Variants in NOS1AP observed in about 807,000 individuals in gnomAD.
The protein encoded by NOS1AP is nitric oxide synthase 1 adaptor protein, also known as carboxyl-terminal PDZ ligand of neuronal nitric oxide synthase protein.
NOS1AP carries 21 observed loss-of-function variants against 56.2 expected under a neutral mutation model. The observed-to-expected ratio is 0.37, with a 90% CI of 0.26 to 0.54. The LOEUF (loss-of-function observed/expected upper bound fraction) is 0.54. Among genes scored for constraint, NOS1AP ranks in the 20% least tolerant of loss-of-function variants. The pLI is 0.84. For missense variants in NOS1AP, 522 were observed against 657.8 expected, an observed-to-expected ratio of 0.79 and a Z score of 2.26; for synonymous variants, 270 against 274.6, an observed-to-expected ratio of 0.98 and a Z score of 0.17.
At chr1:162,239,451 G>A (rs1653412812) in intron 2 of NOS1AP, among the ~76,000 whole-genome samples, 1 of 152,172 alleles carries the variant, frequency 6.6e-6, no homozygotes, top group Non-Finnish European at 1.5e-5. Context: ...ACTGCCCTTT[G>A]GTGCCTGTCA....
intron 1 of NOS1AP, 43 bp downstream of exon 1, chr1:162,070,325 G>C (rs375339763): frequency 4.5e-6 from 7 of 1,539,832 alleles, no homozygotes; most frequent in Non-Finnish European, 6.3e-6. Flanking sequence ...GTGGCGGTTG[G>C]GGGGGCATGT....
rs369081213 is a variant in NOS1AP at position 162,154,407 on chromosome 1, C to T, written c.108C>T (p.Tyr36=). The T allele has an allele frequency of 1.2e-5, 19 of 1,613,906 alleles. No homozygotes were observed. Among genetic ancestry groups the T allele is most frequent in the Admixed American group, 1.7e-5 (1 of 59,998 alleles). Residue 36 remains tyrosine, a splice_region_variant and synonymous_variant, in exon 2 of 10, where the codon TAC becomes TAT. Coordinates refer to ENST00000361897, the MANE Select transcript of NOS1AP (RefSeq NM_014697.3). Reference sequence around the variant, plus strand: ...GAGTGTTTGCTTCTCCCCCACAGTACGTAGGAAGCCTGGACGTGCCAAGGC... The same window carrying T: ...GAGTGTTTGCTTCTCCCCCACAGTATGTAGGAAGCCTGGACGTGCCAAGGC... The part of the protein sequence containing the change: ...FQHGICFEAK[Y]VGSLDVPRPN...
At chr1:162,274,816 A>C (rs1654687847) in intron 2 of NOS1AP, among the ~76,000 whole-genome samples, 1 of 152,106 alleles carries the variant, frequency 6.6e-6, no homozygotes, top group Middle Eastern at 3.4e-3. Context: ...AACTACCAAA[A>C]CTTGTTGGTT....
At chr1:162,213,482 T>G (rs1370883553) in intron 2 of NOS1AP, among the ~76,000 whole-genome samples, 1 of 152,240 alleles carries the variant, frequency 6.6e-6, no homozygotes, top group East Asian at 1.9e-4. Context: ...ACCTTTCACC[T>G]TCACCTGAGC....
At chr1:162,332,691 C>G (rs1444410260) in intron 4 of NOS1AP, among the ~76,000 whole-genome samples, 1 of 152,152 alleles carries the variant, frequency 6.6e-6, no homozygotes, top group African/African-American at 2.4e-5. Flanking sequence ...GTTTGTTGCT[C>G]TGATAAGGAT....
At chr1:162,192,311 A>G (rs1277060751) in intron 2 of NOS1AP, among the ~76,000 whole-genome samples, 1 of 152,178 alleles carries the variant, frequency 6.6e-6, no homozygotes, top group Admixed American at 6.5e-5. Flanking sequence ...CTCTAGTGTG[A>G]AAGTTGCTAC....
rs185744420 is a variant in NOS1AP, at chr1:162,305,194, A to C, written c.344+4488A>C. ...TTTTTTAAGCATACAAATCAGTGGC[A>C]TTAATTACATTGGTAGTCCTGTGCA... On this transcript the variant is annotated intron_variant, in intron 4 of 9. Coordinates refer to ENST00000361897, the MANE Select transcript of NOS1AP (RefSeq NM_014697.3). Among the ~76,000 whole-genome samples, 746 of 152,276 alleles carry C rather than the reference A, an allele frequency of 4.9e-3. 9 individuals are homozygous for C. Among genetic ancestry groups the C allele is most frequent in the African/African-American group, 0.017 (691 of 41,542 alleles).
intron 2 of NOS1AP, among the ~76,000 whole-genome samples, chr1:162,189,410 CAA>C (rs1300127206): frequency 6.6e-6 from 1 of 152,182 alleles, no homozygotes; most frequent in East Asian, 1.9e-4. Context: ...TTACCTTAAG[CAA>C]ACTGGTTTCC....
intron 2 of NOS1AP, among the ~76,000 whole-genome samples, chr1:162,214,191 T>C (rs1478932007): frequency 6.6e-6 from 1 of 152,240 alleles, no homozygotes; most frequent in African/African-American, 2.4e-5. Context: ...TCCTATGTCT[T>C]TCAGAGATAT....
At chr1:162,141,315 A>G (rs963475541) in intron 1 of NOS1AP, among the ~76,000 whole-genome samples, 1 of 151,662 alleles carries the variant, frequency 6.6e-6, no homozygotes, top group Non-Finnish European at 1.5e-5. Flanking sequence ...ATTGGAACCA[A>G]TGAGACTTTT....
At chr1:162,172,235 A>G (rs1650823252) in intron 2 of NOS1AP, among the ~76,000 whole-genome samples, 1 of 152,222 alleles carries the variant, frequency 6.6e-6, no homozygotes, top group African/African-American at 2.4e-5. Flanking sequence ...TAAAGAGGAA[A>G]CTTGTTGAGC....
intron 4 of NOS1AP, among the ~76,000 whole-genome samples, chr1:162,303,517 C>G (rs1655726290): frequency 6.6e-6 from 1 of 152,212 alleles, no homozygotes; most frequent in Admixed American, 6.5e-5. Context: ...TCACGGCTCA[C>G]TGCAGCCTCA....
chr1:162,344,126 G>C (rs531131099), intron 6 of NOS1AP, 150 bp downstream of exon 6: 1 of 850,354 alleles, frequency 1.2e-6, no homozygotes, highest in African/African-American at 1.7e-5. Context: ...TTCTCTTTAA[G>C]GAACACGTAT....
At chr1:162,089,165 A>T (rs2102021217) in intron 1 of NOS1AP, among the ~76,000 whole-genome samples, 1 of 152,318 alleles carries the variant, frequency 6.6e-6, no homozygotes, top group South Asian at 2.1e-4. Context: ...GGGAAACTAC[A>T]CATAAGGAAA....
At chr1:162,323,594 G>C (rs911664331) in intron 4 of NOS1AP, among the ~76,000 whole-genome samples, 2 of 152,238 alleles carry the variant, frequency 1.3e-5, no homozygotes, top group Non-Finnish European at 2.9e-5. Context: ...GTACCTGACA[G>C]ATGGTAAACA....
intron 1 of NOS1AP, among the ~76,000 whole-genome samples, chr1:162,128,633 A>G (rs1648601999): frequency 2.6e-5 from 4 of 152,164 alleles, no homozygotes. Context: ...TCTTTATTTA[A>G]TAGAGGATAG....
At chr1:162,338,835 G>A (rs918821302) in intron 5 of NOS1AP, 1 of 152,158 alleles carries the variant, frequency 6.6e-6, no homozygotes, top group Non-Finnish European at 1.5e-5. Context: ...TTGCTTTCGG[G>A]TGTACAACCC....
At chr1:162,360,572 C>T in intron 8 of NOS1AP, 1 of 351,960 alleles carries the variant, frequency 2.8e-6, no homozygotes, top group Non-Finnish European at 5.6e-6. Context: ...AAGATTTCTC[C>T]TCTACCTGCT....
chr1:162,220,390 G>A lies in NOS1AP; in HGVS notation c.177+65914G>A, dbSNP rs150003562. On this transcript the variant is annotated intron_variant, in intron 2 of 9. Transcript: ENST00000361897. ...ACAGAGAGCAAACATTTTAGTGGGAGAGGGAGGTAGATGAACAGTGTCTGG... is the reference window on the plus strand; with the variant it reads ...ACAGAGAGCAAACATTTTAGTGGGAAAGGGAGGTAGATGAACAGTGTCTGG... 1.2e-3 allele frequency among the ~76,000 whole-genome samples: 185 copies of A among 152,284 alleles called. 1 individual carries two copies. Among genetic ancestry groups the A allele is most frequent in the Non-Finnish European group, 2.1e-3 (144 of 68,034 alleles).
Sources: allele counts gnomAD v4.1 joint callset (sites outside exome capture counted in the v4.1 genomes callset), GRCh38; gene constraint gnomAD v4.1.1; transcripts MANE v1.5; gene names NCBI Gene and HGNC (gene_info 2026-07-23, HGNC 2026-07-21).